The following WDR55 variants were observed in gnomAD, a reference collection of about 807,000 sequenced individuals.
The protein encoded by WDR55 is WD repeat domain 55, also known as WD repeat-containing protein 55.
A neutral mutation model predicts 34.0 loss-of-function variants in WDR55; 31 were observed. The ratio of observed to expected loss-of-function variants is 0.91; its 90% CI spans 0.69 to 1.23. WDR55 has a LOEUF of 1.23. Ranked by LOEUF, WDR55 falls within the 50% of genes most tolerant of loss-of-function variation. The pLI is 0.00. For synonymous variants in WDR55, 164 were observed against 185.9 expected, an observed-to-expected ratio of 0.88 and a Z score of 0.96; for missense variants, 440 against 494.6, an observed-to-expected ratio of 0.89 and a Z score of 1.05.
chr5:140,666,631 G>A (rs1757931904), intron 1 of WDR55: 6 of 984,920 alleles, frequency 6.1e-6, no homozygotes, highest in Non-Finnish European at 7.2e-6. Flanking sequence ...TTATTTGAAT[G>A]CTGTCTCCTT....
chr5:140,668,840 G>A (rs1490562927), intron 4 of WDR55, 49 bp downstream of exon 4: 1 of 1,613,672 alleles, frequency 6.2e-7, no homozygotes, highest in Non-Finnish European at 8.5e-7. Context: ...TGTGTGAAAT[G>A]TCTTCCTCAA....
Position 140,668,509 on chromosome 5 carries a change from A to G in WDR55, c.380+7A>G. The G allele has an allele frequency of 6.2e-7, 1 of 1,613,880 alleles. No individual in the cohort carries two copies. Among genetic ancestry groups the G allele is most frequent in the Non-Finnish European group, 8.5e-7 (1 of 1,179,792 alleles). Reference sequence around the variant, plus strand: ...GTGTTTCCAAGGCTCATGGGTAAGGAGAGCAGCCAATTCTGTGTATGTGCA... The same window carrying G: ...GTGTTTCCAAGGCTCATGGGTAAGGGGAGCAGCCAATTCTGTGTATGTGCA... On this transcript the variant is annotated splice_region_variant and intron_variant, in intron 3 of 6. Transcript: ENST00000358337.
At chr5:140,666,609 C>T in intron 1 of WDR55, 2 of 985,056 alleles carry the variant, frequency 2.0e-6, no homozygotes, top group South Asian at 9.4e-5. Flanking sequence ...AACCATATGT[C>T]CATTTGTGTA....
intron 1 of WDR55, among the ~76,000 whole-genome samples, chr5:140,665,896 G>C (rs1018659376): frequency 1.3e-5 from 2 of 151,916 alleles, no homozygotes; most frequent in Admixed American, 1.3e-4. Context: ...AGCTACACGG[G>C]AGGCTGAGGC....
In WDR55 at chr5:140,668,688, T is replaced by C; in HGVS notation, c.457T>C (p.Trp153Arg). 1 of 1,614,178 alleles carries C rather than the reference T, an allele frequency of 6.2e-7. No homozygotes were observed. The highest frequency in any genetic ancestry group is 1.1e-5 in the South Asian group (1 of 91,082). The change falls in exon 4 of 7, where the codon TGG (tryptophan) becomes CGG (arginine). Residue 153 changes from tryptophan to arginine, a missense_variant. Physicochemically the swap from Trp to Arg is moderately radical, Grantham distance 101. Transcript: ENST00000358337. ...GGATGACACAGGTGGTATCTGTCTC[T>C]GGGACCAGCGGAAGGAGGGCCCCTT... ...TGDDTGGICL[W>R]DQRKEGPLMD... is the part of the protein sequence containing the mutation.
At position 140,671,065 on chromosome 5, in the gene WDR55, G is replaced by T; in HGVS notation, c.*1411G>T. 1 of 613,640 alleles carries T rather than the reference G, an allele frequency of 1.6e-6. No homozygotes were observed. Among genetic ancestry groups the T allele is most frequent in the Non-Finnish European group, 2.9e-6 (1 of 342,646 alleles). The allele number at this position is 613,640 out of a possible 1,614,324, so 38.0% of individuals were successfully genotyped here. A position where few individuals can be genotyped will look rare whatever the true frequency, so the allele number is the denominator to read the frequency against. On this transcript the variant is annotated 3_prime_UTR_variant, in exon 7 of 7. Coordinates refer to ENST00000358337, the MANE Select transcript of WDR55 (RefSeq NM_017706.5). ...CCATGGAAGATCACTGGGTCAGGTTGGACCCTGGGCTGGGAGCGGGAGGGC... is the reference window on the plus strand; with the variant it reads ...CCATGGAAGATCACTGGGTCAGGTTTGACCCTGGGCTGGGAGCGGGAGGGC...
At chr5:140,666,826 A>C (rs999083025) in intron 1 of WDR55, 1 of 985,412 alleles carries the variant, frequency 1.0e-6, no homozygotes. Flanking sequence ...TCTGGAGTGT[A>C]ATCTGTCATC....
At chr5:140,666,023 G>A (rs1367783045) in intron 1 of WDR55, among the ~76,000 whole-genome samples, 2 of 151,820 alleles carry the variant, frequency 1.3e-5, no homozygotes, top group Non-Finnish European at 2.9e-5. Flanking sequence ...TCAATGGTCT[G>A]CTTTTAGGAT....
chr5:140,668,262 A>T lies in WDR55; in HGVS notation c.220A>T (p.Thr74Ser). Residue 74 changes from threonine (T) to serine (S), a missense_variant, in exon 2 of 7, where the codon ACC becomes TCC. Physicochemically the swap from Thr to Ser is moderately conservative, Grantham distance 58. Transcript: ENST00000358337. ...TTCCTACTCTTGCCAAGAGGGAGAA[A>T]CCAAGGAGCTCTGGTCATCAGGTCA... is the stretch of plus-strand genomic sequence containing the variant. Reference protein sequence around the residue: ...VFSYSCQEGETKELWSSGHHL... With the variant: ...VFSYSCQEGESKELWSSGHHL... The T allele has an allele frequency of 6.2e-7, 1 of 1,611,978 alleles. No homozygotes were observed. Among genetic ancestry groups the T allele is most frequent in the Non-Finnish European group, 8.5e-7 (1 of 1,178,490 alleles).
chr5:140,669,152 C>T lies in WDR55; in HGVS notation c.734C>T (p.Thr245Ile). Residue 245 changes from threonine to isoleucine, a missense_variant, in exon 6 of 7, where the codon ACA becomes ATA. By Grantham distance (89) the Thr-to-Ile change is moderately conservative. Coordinates refer to ENST00000358337, the MANE Select transcript of WDR55 (RefSeq NM_017706.5). ...TTCAATTGGAATGGCTTTGGGGCCACAAGTGACCGCTTTGCCCTGAGAGCT... is the reference window on the plus strand; with the variant it reads ...TTCAATTGGAATGGCTTTGGGGCCATAAGTGACCGCTTTGCCCTGAGAGCT... ...YLFNWNGFGA[T>I]SDRFALRAES... 6.2e-7 allele frequency: 1 copy of T among 1,614,178 alleles called. No homozygotes were observed. The highest frequency in any genetic ancestry group is 8.5e-7 in the Non-Finnish European group (1 of 1,180,044).
Position 140,669,448 on chromosome 5 carries a change from G to A in WDR55, c.946G>A (p.Asp316Asn). The A allele has an allele frequency of 6.2e-7, 1 of 1,614,120 alleles. No homozygotes were observed. Among genetic ancestry groups the A allele is most frequent in the Non-Finnish European group, 8.5e-7 (1 of 1,180,008 alleles). The change falls in exon 7 of 7, where the codon GAC becomes AAC. Residue 316 changes from aspartate to asparagine, a missense_variant. Transcript: ENST00000358337. ...CGRFLASSGH[D>N]QRLKFWDMAQ... The stretch of plus-strand genomic sequence containing the variant: ...CCGCTTCCTGGCCAGTAGTGGCCAT[G>A]ACCAGCGCCTCAAGTTTTGGGACAT...
Sources: allele counts gnomAD v4.1 joint callset (sites outside exome capture counted in the v4.1 genomes callset), GRCh38; gene constraint gnomAD v4.1.1; transcripts MANE v1.5; gene names NCBI Gene and HGNC (gene_info 2026-07-23, HGNC 2026-07-21).